EFCC1: variants seen among roughly 807,000 people sequenced by gnomAD.
EFCC1 encodes the protein EF-hand and coiled-coil domain containing 1, also known as EF-hand and coiled-coil domain-containing protein 1.
EFCC1 carries 50 observed loss-of-function variants against 52.1 expected under a neutral mutation model. The observed-to-expected ratio is 0.96, with a 90% CI of 0.76 to 1.21. EFCC1 has a LOEUF of 1.21. Among genes scored for constraint, EFCC1 ranks in the 50% most tolerant of loss-of-function variants. The pLI is 0.00. For synonymous variants in EFCC1, 399 were observed against 396.5 expected, an observed-to-expected ratio of 1.01 and a Z score of -0.08; for missense variants, 837 against 867.3, an observed-to-expected ratio of 0.97 and a Z score of 0.44.
intron 3 of EFCC1, among the ~76,000 whole-genome samples, chr3:129,031,644 A>G (rs1215331754): frequency 6.6e-6 from 1 of 152,220 alleles, no homozygotes; most frequent in Admixed American, 6.5e-5. Flanking sequence ...CACATAACTT[A>G]AAAAGTCCAC....
chr3:129,029,925 C>G (rs1946236325), intron 2 of EFCC1, among the ~76,000 whole-genome samples: 1 of 151,500 alleles, frequency 6.6e-6, no homozygotes, highest in Admixed American at 6.6e-5. Context: ...TGGCTCATGG[C>G]TGTAATCCCA....
intron 2 of EFCC1, among the ~76,000 whole-genome samples, chr3:129,016,287 G>A (rs1349252956): frequency 6.6e-6 from 1 of 152,104 alleles, no homozygotes; most frequent in Non-Finnish European, 1.5e-5. Context: ...GGTCTGGGTG[G>A]GCTTCAAGAG....
intron 2 of EFCC1, among the ~76,000 whole-genome samples, chr3:129,020,714 G>T (rs1320322301): frequency 6.6e-6 from 1 of 152,198 alleles, no homozygotes; most frequent in African/African-American, 2.4e-5. Context: ...TTATTGGAGT[G>T]GCTGGCCCAG....
intron 2 of EFCC1, among the ~76,000 whole-genome samples, chr3:129,012,433 C>T (rs1051045783): frequency 5.9e-5 from 9 of 152,136 alleles, no homozygotes; most frequent in Non-Finnish European, 1.0e-4. Flanking sequence ...CTGCTTGTCC[C>T]TGCCTGGTTC....
In EFCC1 at chr3:129,017,552, C is replaced by T. The variant is rs187291608; in HGVS notation, c.981-13151C>T. 5.9e-4 allele frequency among the ~76,000 whole-genome samples: 90 copies of T among 152,336 alleles called. 2 individuals are homozygous for T. The East Asian group carries it at 0.015, about 25-fold the overall frequency. ...GCTCCTTTTGGCCGTGGGACCGAGG[C>T]CCTATTTCCTTGCCGGCTGTCAGCT... On this transcript the variant is annotated intron_variant, in intron 2 of 7. Coordinates refer to ENST00000683648, the MANE Select transcript of EFCC1 (RefSeq NM_001377500.1).
intron 1 of EFCC1, chr3:129,002,670 G>A (rs1944849865): frequency 3.2e-6 from 1 of 313,060 alleles, no homozygotes; most frequent in African/African-American, 2.2e-5. Context: ...CTTTCAACAA[G>A]CATCTTTCTC....
At chr3:129,006,279 T>C (rs1945070374) in intron 2 of EFCC1, among the ~76,000 whole-genome samples, 1 of 152,226 alleles carries the variant, frequency 6.6e-6, no homozygotes, top group East Asian at 1.9e-4. Context: ...AGGCTAGTCC[T>C]GTTAGTCAGT....
intron 2 of EFCC1, among the ~76,000 whole-genome samples, chr3:129,028,199 A>G (rs1241883696): frequency 6.6e-6 from 1 of 150,824 alleles, no homozygotes. Flanking sequence ...TTCTCCCGCC[A>G]CAGCCTCCTG....
At chr3:129,038,277 G>A (rs1433259976) in intron 6 of EFCC1, among the ~76,000 whole-genome samples, 4 of 152,162 alleles carry the variant, frequency 2.6e-5, no homozygotes, top group African/African-American at 9.7e-5. Context: ...CCGAGGTCCA[G>A]CCCAATGTCC....
chr3:129,035,390 C>T (rs1946342335), intron 5 of EFCC1, among the ~76,000 whole-genome samples: 2 of 152,194 alleles, frequency 1.3e-5, no homozygotes, highest in Admixed American at 6.5e-5. Flanking sequence ...AGTGTGCCCA[C>T]CTTGAACCAA....
intron 2 of EFCC1, among the ~76,000 whole-genome samples, chr3:129,016,643 C>T (rs1945597587): frequency 6.6e-6 from 1 of 152,094 alleles, no homozygotes; most frequent in African/African-American, 2.4e-5. Flanking sequence ...GCCCTGGAGA[C>T]AGAGCTACAG....
chr3:129,031,765 G>C (rs1252069198), intron 3 of EFCC1, among the ~76,000 whole-genome samples: 3 of 152,354 alleles, frequency 2.0e-5, no homozygotes, highest in Admixed American at 2.0e-4. Flanking sequence ...ATAGTGGCAA[G>C]ATGGTCACCA....
At chr3:129,038,983 T>A in intron 7 of EFCC1, 83 bp downstream of exon 7, 1 of 1,188,456 alleles carries the variant, frequency 8.4e-7, no homozygotes, top group Non-Finnish European at 1.3e-6. Flanking sequence ...GCTTCATGCT[T>A]AGCATCTTGT....
intron 7 of EFCC1, among the ~76,000 whole-genome samples, chr3:129,039,148 C>A (rs1188505756): frequency 3.9e-5 from 6 of 152,196 alleles, no homozygotes. Flanking sequence ...CAGCCACATG[C>A]GGGGGAGGTG....
chr3:129,004,398 C>G (rs1230924576), intron 2 of EFCC1, among the ~76,000 whole-genome samples: 5 of 135,858 alleles, frequency 3.7e-5, no homozygotes, highest in Non-Finnish European at 6.4e-5. Context: ...CATCCACTCA[C>G]CCATCCATCC....
intron 2 of EFCC1, among the ~76,000 whole-genome samples, chr3:129,011,262 C>T (rs138214137): frequency 6.5e-4 from 99 of 152,244 alleles, no homozygotes; most frequent in South Asian, 1.2e-3. Context: ...AATATTGGAA[C>T]GTATTGGACA....
intron 3 of EFCC1, 72 bp downstream of exon 3, chr3:129,030,932 A>C: frequency 6.8e-7 from 1 of 1,460,102 alleles, no homozygotes; most frequent in Non-Finnish European, 9.1e-7. Context: ...CCTGCTCTCA[A>C]GGGCCTGTCT....
chr3:129,002,113 C>T lies in EFCC1; in HGVS notation c.485C>T (p.Pro162Leu), dbSNP rs767548537. ...GGCACCCGTGCGGGGCCCCGGCTGC[C>T]CCGCGGCGCTCTCAGCGAGCACATC... ...YFGTRAGPRL[P>L]RGALSEHIET... Residue 162 changes from proline (P) to leucine (L), a missense_variant, in exon 1 of 8, where the codon CCC (proline) becomes CTC (leucine). Coordinates refer to ENST00000683648, the MANE Select transcript of EFCC1 (RefSeq NM_001377500.1). 2.5e-5 allele frequency: 37 copies of T among 1,482,894 alleles called. 1 individual carries two copies. In the South Asian group the frequency reaches 3.8e-4, roughly 15 times the overall value. The allele number at this position is 1,482,894 out of a possible 1,614,324, so 91.9% of individuals were successfully genotyped here. A position where few individuals can be genotyped will look rare whatever the true frequency, so the allele number is the denominator to read the frequency against.
chr3:129,003,256 G>C (rs865848181), intron 1 of EFCC1: 2 of 985,274 alleles, frequency 2.0e-6, no homozygotes, highest in Non-Finnish European at 1.2e-6. Context: ...CATGGGATGC[G>C]CCTGAACGGT....
Sources: allele counts gnomAD v4.1 joint callset (sites outside exome capture counted in the v4.1 genomes callset), GRCh38; gene constraint gnomAD v4.1.1; transcripts MANE v1.5; gene names NCBI Gene and HGNC (gene_info 2026-07-23, HGNC 2026-07-21).